FANCD2OS: variants seen among roughly 807,000 people sequenced by gnomAD.
FANCD2OS encodes the protein FANCD2 opposite strand.
A neutral mutation model predicts 13.2 loss-of-function variants in FANCD2OS; 11 were observed. The observed-to-expected ratio is 0.83, with a 90% CI of 0.52 to 1.38. The LOEUF (loss-of-function observed/expected upper bound fraction) is 1.38. FANCD2OS is among the 40% of genes most tolerant of loss of function. The probability of loss-of-function intolerance (pLI) is 0.00; values close to 1 mark genes in which losing one functional copy is unlikely to be tolerated. For synonymous variants in FANCD2OS, 69 were observed against 84.5 expected, an observed-to-expected ratio of 0.82 and a Z score of 1.01; for missense variants, 217 against 213.9, an observed-to-expected ratio of 1.01 and a Z score of -0.09.
intron 2 of FANCD2OS, chr3:10,090,140 T>A: frequency 1.5e-6 from 1 of 652,884 alleles, no homozygotes; most frequent in Middle Eastern, 4.1e-4. Context: ...TATTACTGAG[T>A]CCTTTCCGCT....
Position 10,105,772 on chromosome 3 carries a change from TTATATATATATA to T in FANCD2OS, c.-8-1002_-8-991del, listed in dbSNP as rs574690780. ...TCTAAAAAAAAAAAAAAAAAAAAAA[TTATATATATATA>T]TATATATATATATATATATATATAT... On this transcript the variant is annotated intron_variant, in intron 1 of 1. Transcript: ENST00000450660. Among the ~76,000 whole-genome samples the T allele has an allele frequency of 8.9e-3, 201 of 22,638 alleles. 2 individuals carry two copies. Among genetic ancestry groups the T allele is most frequent in the Non-Finnish European group, 0.011 (140 of 13,018 alleles). 14.9% of individuals were successfully genotyped at this position (22,638 alleles called of 152,430 possible). A position where few individuals can be genotyped will look rare whatever the true frequency, so the allele number is the denominator to read the frequency against.
intron 1 of FANCD2OS, among the ~76,000 whole-genome samples, chr3:10,107,064 A>G (rs1158857679): frequency 6.6e-6 from 1 of 152,208 alleles, no homozygotes; most frequent in Non-Finnish European, 1.5e-5. Flanking sequence ...GGGCTGCCTT[A>G]GAATGAGAAA....
chr3:10,085,747 C>T (rs1694155252), intron 2 of FANCD2OS: 1 of 1,028,214 alleles, frequency 9.7e-7, no homozygotes, highest in Admixed American at 1.7e-5. Flanking sequence ...AGGCCAGGAT[C>T]CTTAAATACT....
Position 10,090,359 on chromosome 3 carries a change from C to G in FANCD2OS, c.*44-8828G>C, listed in dbSNP as rs568515612. The G allele has an allele frequency of 6.2e-6, 10 of 1,611,338 alleles. No homozygotes were observed. The Admixed American group carries it at 8.4e-5, about 13-fold the overall frequency. The stretch of plus-strand genomic sequence containing the variant: ...AGAGAAGACGGTGAAAAAAATTGAG[C>G]CTGGCACAGCAGCAGACTCGCAGCA... On this transcript the variant is annotated intron_variant, in intron 2 of 2. Transcript: ENST00000524279.
At chr3:10,090,682 A>G (rs940930676) in intron 2 of FANCD2OS, among the ~76,000 whole-genome samples, 1 of 151,572 alleles carries the variant, frequency 6.6e-6, no homozygotes, top group African/African-American at 2.4e-5. Context: ...CTAGTCTCGA[A>G]CTCCTGACTT....
At chr3:10,095,618 C>G (rs1259776944) in intron 2 of FANCD2OS, among the ~76,000 whole-genome samples, 2 of 152,176 alleles carry the variant, frequency 1.3e-5, no homozygotes, top group African/African-American at 4.8e-5. Flanking sequence ...GGAGGTGGCT[C>G]TAAAGCAGCC....
At chr3:10,095,438 G>T (rs1477814460) in intron 2 of FANCD2OS, 2 of 674,854 alleles carry the variant, frequency 3.0e-6, no homozygotes, top group Non-Finnish European at 5.4e-6. Context: ...TTGAGATTGG[G>T]CAGTCCTCTA....
intron 2 of FANCD2OS, chr3:10,093,359 C>A (rs374194873): frequency 9.4e-5 from 146 of 1,550,672 alleles, no homozygotes; most frequent in Non-Finnish European, 1.3e-4. Context: ...CATATTTATT[C>A]TTCCTGTGGA....
intron 2 of FANCD2OS, among the ~76,000 whole-genome samples, chr3:10,083,963 T>G (rs895268003): frequency 2.0e-5 from 3 of 151,748 alleles, no homozygotes; most frequent in Admixed American, 2.0e-4. Flanking sequence ...GCCTGTGGTT[T>G]TACATAGTAT....
At chr3:10,081,582 T>G (rs1693838490) in intron 2 of FANCD2OS, 2 of 812,332 alleles carry the variant, frequency 2.5e-6, no homozygotes, top group Non-Finnish European at 4.3e-6. Context: ...GTGAATATGG[T>G]TCATTAATTT....
rs750679801 is a variant in FANCD2OS, at chr3:10,104,307, C to A, written c.468G>T (p.Leu156=). 2 of 1,614,206 alleles carry A rather than the reference C, an allele frequency of 1.2e-6. No homozygotes were observed. The highest frequency in any genetic ancestry group is 2.2e-5 in the South Asian group (2 of 91,082). The change falls in exon 2 of 2, where the codon CTG becomes CTT. Residue 156 remains leucine, a synonymous_variant. Transcript: ENST00000450660. ...TTGCATACAGCAAGAGGATAGAGCG[C>A]AGCATCTGTTTGCACATAGTGACTG... ...QMTVTMCKQM[L]RSILLLYATY...
downstream of FANCD2OS, chr3:10,099,022 A>G (rs1296177953): frequency 6.2e-7 from 1 of 1,611,808 alleles, no homozygotes; most frequent in East Asian, 2.2e-5. Flanking sequence ...ACTCCTGAGT[A>G]TCTCGAGTTG....
downstream of FANCD2OS, among the ~76,000 whole-genome samples, chr3:10,100,880 G>A (rs1263418768): frequency 6.6e-6 from 1 of 151,966 alleles, no homozygotes; most frequent in African/African-American, 2.4e-5. Context: ...GACCAGCCTT[G>A]CCAATGTGGA....
At chr3:10,101,468 C>T, downstream of FANCD2OS, 1 of 526,292 alleles carries the variant, frequency 1.9e-6, no homozygotes, top group Non-Finnish European at 3.4e-6. Flanking sequence ...TCACTGCAAC[C>T]TCCATCTCCT....
At chr3:10,090,037 T>A (rs1285373857) in intron 2 of FANCD2OS, among the ~76,000 whole-genome samples, 8 of 152,230 alleles carry the variant, frequency 5.3e-5, no homozygotes, top group Admixed American at 5.2e-4. Flanking sequence ...AACTCAGATC[T>A]TCTCACTGTT....
Position 10,093,418 on chromosome 3 carries a change from C to T in FANCD2OS, c.*43+10780G>A, listed in dbSNP as rs534439949. On this transcript the variant is annotated intron_variant, in intron 2 of 2. Coordinates refer to the FANCD2OS transcript ENST00000524279. ...GAGATAAATTGCTCAATTTCTTGCC[C>T]ACAAGCCAGAGTTTCCAGAATCTAT... 4.8e-4 allele frequency: 517 copies of T among 1,076,818 alleles called. 1 individual carries two copies. Among genetic ancestry groups the T allele is most frequent in the Non-Finnish European group, 7.1e-4 (489 of 690,556 alleles). The allele number at this position is 1,076,818 out of a possible 1,614,324, so 66.7% of individuals were successfully genotyped here. A position where few individuals can be genotyped will look rare whatever the true frequency, so the allele number is the denominator to read the frequency against.
chr3:10,089,020 C>T (rs1694414180), intron 2 of FANCD2OS: 4 of 1,549,132 alleles, frequency 2.6e-6, no homozygotes, highest in Non-Finnish European at 2.7e-6. Context: ...CGGTGGCACA[C>T]ACCTGTAATC....
At chr3:10,108,353 T>A (rs1020206406), upstream of FANCD2OS, 1 of 152,178 alleles carries the variant, frequency 6.6e-6, no homozygotes, top group African/African-American at 2.4e-5. Context: ...GCGGCGGGGA[T>A]GGGGGCTCGA....
chr3:10,086,898 T>G (rs1694239238), intron 2 of FANCD2OS, among the ~76,000 whole-genome samples: 1 of 152,198 alleles, frequency 6.6e-6, no homozygotes. Flanking sequence ...ACATGACCCC[T>G]TCAAGGCCAA....
Sources: allele counts gnomAD v4.1 joint callset (sites outside exome capture counted in the v4.1 genomes callset), GRCh38; gene constraint gnomAD v4.1.1; transcripts MANE v1.5; gene names NCBI Gene and HGNC (gene_info 2026-07-23, HGNC 2026-07-21).